ZEB2: variants seen among roughly 807,000 people sequenced by gnomAD.
ZEB2 encodes the protein zinc finger E-box-binding homeobox 2.
A neutral mutation model predicts 99.9 loss-of-function variants in ZEB2; 6 were observed. The ratio of observed to expected loss-of-function variants is 0.06; its 90% CI spans 0.03 to 0.12. The LOEUF (loss-of-function observed/expected upper bound fraction) is 0.12. Ranked by LOEUF, ZEB2 falls within the 10% of genes least tolerant of loss-of-function variation. The pLI, the probability that ZEB2 is intolerant of heterozygous loss-of-function variation, is 1.00. For missense variants in ZEB2, 969 were observed against 1,502.8 expected, an observed-to-expected ratio of 0.64 and a Z score of 5.87; for synonymous variants, 517 against 542.5, an observed-to-expected ratio of 0.95 and a Z score of 0.65.
chr2:144,460,547 G>C (rs1188844281), intron 2 of ZEB2, among the ~76,000 whole-genome samples: 1 of 151,984 alleles, frequency 6.6e-6, no homozygotes, highest in Admixed American at 6.6e-5. Flanking sequence ...TTGCTGCTCT[G>C]AATCTTAGAA....
At chr2:144,453,357 T>C (rs1296112292) in intron 2 of ZEB2, among the ~76,000 whole-genome samples, 1 of 152,228 alleles carries the variant, frequency 6.6e-6, no homozygotes, top group Non-Finnish European at 1.5e-5. Flanking sequence ...TGAGGCCCAC[T>C]TGGACCCAGG....
At chr2:144,441,144 C>G (rs1703910836) in intron 2 of ZEB2, among the ~76,000 whole-genome samples, 1 of 130,356 alleles carries the variant, frequency 7.7e-6, no homozygotes, top group South Asian at 2.5e-4. Context: ...CTTTTCCTTC[C>G]TTCTCTTCCT....
At position 144,398,912 on chromosome 2, in the gene ZEB2, T is replaced by C. The variant is rs748354087; in HGVS notation, c.2275A>G (p.Arg759Gly). ...GTAAAATGGGAAGGTTTTGTTAGCC[T>C]GAGAGGAGGATCACAATTCGTAACA... is the stretch of plus-strand genomic sequence containing the variant. ...NSVTNCDPPLRLTKPSHFTNI... is the reference protein window; with the variant it reads ...NSVTNCDPPLGLTKPSHFTNI... Residue 759 changes from arginine to glycine, a missense_variant, in exon 8 of 10, where the codon AGG (arginine) becomes GGG (glycine). By Grantham distance (125) the Arg-to-Gly change is moderately radical. Coordinates refer to ENST00000627532, the MANE Select transcript of ZEB2 (RefSeq NM_014795.4). 49 of 1,614,028 alleles carry C rather than the reference T, an allele frequency of 3.0e-5. No individual in the cohort carries two copies. The highest frequency in any genetic ancestry group is 3.8e-5 in the Non-Finnish European group (45 of 1,180,020).
At chr2:144,410,943 C>T (rs1037133783) in intron 4 of ZEB2, among the ~76,000 whole-genome samples, 1 of 150,498 alleles carries the variant, frequency 6.6e-6, no homozygotes, top group African/African-American at 2.4e-5. Flanking sequence ...CCTACTAGTG[C>T]CAGTGTTCTT....
intron 6 of ZEB2, among the ~76,000 whole-genome samples, chr2:144,402,507 T>TC (rs1035769458): frequency 1.3e-5 from 2 of 152,072 alleles, no homozygotes; most frequent in African/African-American, 2.4e-5. Flanking sequence ...CTGCTTTGTC[T>TC]CCCCCCACAG....
rs1386362301 is a variant in ZEB2 at position 144,389,547 on chromosome 2, T to C, written c.3549A>G (p.Glu1183=). The change falls in exon 10 of 10, where the codon GAA becomes GAG. Residue 1183 remains glutamate (E), a synonymous_variant. Coordinates refer to ENST00000627532, the MANE Select transcript of ZEB2 (RefSeq NM_014795.4). This position sits in a 1 kb window ranked among gnomAD's most constrained non-coding sequence, Gnocchi z 6.8. ...CGTCCATGGAGTGATCTCCAGTCTC[T>C]TCTTCATCTCGTATCGTTTCGGGAT... ...DTDPETIRDE[E]ETGDHSMDDS... The C allele has an allele frequency of 5.0e-6, 8 of 1,614,170 alleles. No individual in the cohort carries two copies. The highest frequency in any genetic ancestry group is 6.8e-6 in the Non-Finnish European group (8 of 1,180,028).
chr2:144,404,880 A>G lies in ZEB2; in HGVS notation c.548T>C (p.Leu183Pro). ...GGCCTCTGGCGTGCCAAGGCGAGAC[A>G]GCTCCTCAGGGGCTTCTGGGTAAAT... ...AIIYPEAPEE[L>P]SRLGTPEANG... The change falls in exon 5 of 10, where the codon CTG becomes CCG. Residue 183 changes from leucine (L) to proline (P), a missense_variant. By Grantham distance (98) the Leu-to-Pro change is moderately conservative. Transcript: ENST00000627532. 1 of 1,614,220 alleles carries G rather than the reference A, an allele frequency of 6.2e-7. No individual in the cohort carries two copies.
chr2:144,398,967 T>C lies in ZEB2; in HGVS notation c.2220A>G (p.Thr740=). 1 of 1,614,170 alleles carries C rather than the reference T, an allele frequency of 6.2e-7. No homozygotes were observed. The highest frequency in any genetic ancestry group is 2.2e-5 in the East Asian group (1 of 44,878). Residue 740 remains threonine, a synonymous_variant, in exon 8 of 10, where the codon ACA becomes ACG. Coordinates refer to ENST00000627532, the MANE Select transcript of ZEB2 (RefSeq NM_014795.4). ...TGTGGAGTTCTGCTATAGATGGTGA[T>C]GTTATGGAGTCCATAGGTTTTACAG... is the stretch of plus-strand genomic sequence containing the variant. ...RSPVKPMDSI[T]SPSIAELHNS... is the part of the protein sequence containing the mutation.
intron 4 of ZEB2, among the ~76,000 whole-genome samples, chr2:144,412,008 G>A (rs772648238): frequency 1.3e-5 from 2 of 152,220 alleles, no homozygotes; most frequent in Non-Finnish European, 2.9e-5. Flanking sequence ...GGTGGCTTAC[G>A]CCTGTAATCC....
At chr2:144,516,305 T>C (rs1705141816) in intron 2 of ZEB2, 1 of 147,706 alleles carries the variant, frequency 6.8e-6, no homozygotes, top group Non-Finnish European at 1.5e-5. Flanking sequence ...ACTTTTCTCT[T>C]TTATTCCCAC....
At chr2:144,446,713 C>T (rs1434093272) in intron 2 of ZEB2, among the ~76,000 whole-genome samples, 5 of 151,812 alleles carry the variant, frequency 3.3e-5, no homozygotes, top group African/African-American at 1.2e-4. Context: ...TCATGGGCAC[C>T]GTACCAAAGA....
At chr2:144,484,938 C>A (rs1230660450) in intron 2 of ZEB2, among the ~76,000 whole-genome samples, 1 of 152,146 alleles carries the variant, frequency 6.6e-6, no homozygotes, top group African/African-American at 2.4e-5. Context: ...TAAAAACTCA[C>A]CACCCGGGCA....
intron 4 of ZEB2, 26 bp from the exon 5 acceptor site, chr2:144,405,050 G>A (rs748855644): frequency 6.2e-7 from 1 of 1,608,282 alleles, no homozygotes; most frequent in Admixed American, 1.7e-5. Flanking sequence ...GAGAAGAAAT[G>A]TTGTTTCCGG....
chr2:144,466,360 T>G (rs1413576553), intron 2 of ZEB2, among the ~76,000 whole-genome samples: 1 of 152,200 alleles, frequency 6.6e-6, no homozygotes, highest in Non-Finnish European at 1.5e-5. Flanking sequence ...ATGAGAATCA[T>G]GATGGAGTCC....
In ZEB2 at chr2:144,389,670, T is replaced by C. The variant is rs746061883; in HGVS notation, c.3426A>G (p.Lys1142=). 1.2e-5 allele frequency: 20 copies of C among 1,614,040 alleles called. No homozygotes were observed. Among genetic ancestry groups the C allele is most frequent in the Admixed American group, 1.7e-5 (1 of 60,004 alleles). ...RDGESEKEHE[K]EGEDGYGKLG... The stretch of plus-strand genomic sequence containing the variant: ...GCTTCCCGTAGCCATCCTCGCCTTC[T>C]TTCTCGTGCTCCTTCTCGCTCTCGC... The change falls in exon 10 of 10, where the codon AAA becomes AAG. Residue 1142 remains lysine (K), a synonymous_variant. Coordinates refer to ENST00000627532, the MANE Select transcript of ZEB2 (RefSeq NM_014795.4). The surrounding 1 kb of genome is among the most constrained non-coding windows in gnomAD (Gnocchi z 6.8).
chr2:144,475,212 A>G (rs888892744), intron 2 of ZEB2, among the ~76,000 whole-genome samples: 26 of 152,146 alleles, frequency 1.7e-4, no homozygotes, highest in Admixed American at 3.3e-4. Context: ...ATGCGTTCTC[A>G]CATAGGCCTG....
intron 4 of ZEB2, among the ~76,000 whole-genome samples, chr2:144,423,615 G>A (rs1333925720): frequency 6.6e-6 from 1 of 152,044 alleles, no homozygotes; most frequent in Non-Finnish European, 1.5e-5. Context: ...AGGATTCTTG[G>A]TGCTTGATTC....
At position 144,447,325 on chromosome 2, in the gene ZEB2, G is replaced by A. The variant is rs533132813; in HGVS notation, c.74-17299C>T. Among the ~76,000 whole-genome samples, 5 of 152,272 alleles carry A rather than the reference G, an allele frequency of 3.3e-5. No homozygotes were observed. The South Asian group carries it at 6.2e-4, about 19-fold the overall frequency. On this transcript the variant is annotated intron_variant, in intron 2 of 9. Coordinates refer to ENST00000627532, the MANE Select transcript of ZEB2 (RefSeq NM_014795.4). ...TCAATAAGTAGTTCATAAAAAAGTA[G>A]AGAAAATTTGCATAACTGGTTCTTC... is the stretch of plus-strand genomic sequence containing the variant.
chr2:144,449,955 G>A (rs1273723183), intron 2 of ZEB2, among the ~76,000 whole-genome samples: 2 of 152,174 alleles, frequency 1.3e-5, no homozygotes, highest in African/African-American at 2.4e-5. Context: ...GGGTGTTTCA[G>A]ACATACAGCC....
Sources: allele counts gnomAD v4.1 joint callset (sites outside exome capture counted in the v4.1 genomes callset), GRCh38; gene constraint gnomAD v4.1.1; non-coding constraint Gnocchi (gnomAD v3.1); transcripts MANE v1.5; gene names NCBI Gene and HGNC (gene_info 2026-07-23, HGNC 2026-07-21).